SH3BP5: variants seen among roughly 807,000 people sequenced by gnomAD.
The protein encoded by SH3BP5 is SH3 domain-binding protein 5.
SH3BP5 carries 22 observed loss-of-function variants against 43.3 expected under a neutral mutation model. That is an observed-to-expected ratio of 0.51 (90% confidence interval 0.36 to 0.73). SH3BP5 has a LOEUF of 0.73. Ranked by LOEUF, SH3BP5 falls within the 30% of genes least tolerant of loss-of-function variation. SH3BP5 has a pLI of 0.00. For synonymous variants in SH3BP5, 255 were observed against 225.8 expected (o/e 1.13, Z -1.16); for missense variants, 529 against 586.9 (o/e 0.90, Z 1.02).
intron 5 of SH3BP5, chr3:15,260,043 G>C: frequency 1.8e-6 from 1 of 557,804 alleles, no homozygotes; most frequent in South Asian, 2.0e-5. Flanking sequence ...CTCAAGACAC[G>C]GGGAACCCAC....
Position 15,332,414 on chromosome 3 carries a change from C to T in SH3BP5, c.-6G>A. ...CGCTTCAGTGCCGCGTCCATGCAGG[C>T]AGCCGGCACGCGCGCCGCGCAGTGG... On this transcript the variant is annotated 5_prime_UTR_variant, in exon 1 of 9. Coordinates refer to ENST00000383791, the MANE Select transcript of SH3BP5 (RefSeq NM_004844.5). The T allele has an allele frequency of 1.3e-6, 2 of 1,531,574 alleles. No individual in the cohort carries two copies. The highest frequency in any genetic ancestry group is 1.7e-6 in the Non-Finnish European group (2 of 1,144,504). The allele number at this position is 1,531,574 out of a possible 1,614,324, so 94.9% of individuals were successfully genotyped here.
intron 2 of SH3BP5, 94 bp from the exon 3 acceptor site, chr3:15,304,325 T>C (rs1313406182): frequency 5.7e-6 from 9 of 1,592,100 alleles, no homozygotes; most frequent in Non-Finnish European, 7.7e-6. Context: ...AACAAAGGAC[T>C]TTACCCAACG....
At chr3:15,268,388 CACCAAG>C (rs1327453219) in intron 4 of SH3BP5, among the ~76,000 whole-genome samples, 1 of 152,218 alleles carries the variant, frequency 6.6e-6, no homozygotes, top group Non-Finnish European at 1.5e-5. Flanking sequence ...CTCAAGGAGT[CACCAAG>C]ACCTCTTGCA....
At chr3:15,266,315 T>C (rs1480199092) in intron 4 of SH3BP5, among the ~76,000 whole-genome samples, 2 of 152,240 alleles carry the variant, frequency 1.3e-5, no homozygotes, top group East Asian at 1.9e-4. Context: ...GCTCCTCACC[T>C]GCCATCCCAG....
chr3:15,265,511 GTCACAC>G (rs1422190461), intron 4 of SH3BP5, among the ~76,000 whole-genome samples: 6 of 31,050 alleles, frequency 1.9e-4, no homozygotes, highest in African/African-American at 4.0e-4. Context: ...GCGAGACTCC[GTCACAC>G]ACACACACAC....
intron 4 of SH3BP5, 37 bp downstream of exon 4, chr3:15,269,676 C>A: frequency 6.7e-7 from 1 of 1,497,576 alleles, no homozygotes. Flanking sequence ...CGCATGCACG[C>A]GCACACCCCC....
chr3:15,292,542 T>C (rs751238682), intron 3 of SH3BP5, among the ~76,000 whole-genome samples: 101 of 152,152 alleles, frequency 6.6e-4, no homozygotes, highest in Non-Finnish European at 1.3e-3. Context: ...AAATGGTTCA[T>C]GGCATCACCA....
intron 2 of SH3BP5, among the ~76,000 whole-genome samples, chr3:15,307,385 G>C (rs1286373007): frequency 6.6e-6 from 1 of 152,182 alleles, no homozygotes; most frequent in Non-Finnish European, 1.5e-5. Context: ...GAGGGAAGCA[G>C]CATGCTGTCA....
At chr3:15,271,860 T>C (rs910910165) in intron 3 of SH3BP5, among the ~76,000 whole-genome samples, 4 of 152,112 alleles carry the variant, frequency 2.6e-5, no homozygotes, top group African/African-American at 9.7e-5. Context: ...AAATCAGCAC[T>C]GAAACATCAC....
chr3:15,335,212 T>A (rs1019365760), upstream of SH3BP5, among the ~76,000 whole-genome samples: 4 of 151,894 alleles, frequency 2.6e-5, no homozygotes, highest in Non-Finnish European at 4.4e-5. Flanking sequence ...CAGGACAACA[T>A]GGTAAAAATA....
At chr3:15,259,686 C>G in intron 6 of SH3BP5, 75 bp downstream of exon 6, 1 of 1,387,822 alleles carries the variant, frequency 7.2e-7, no homozygotes, top group South Asian at 1.2e-5. Context: ...CCATGTGATA[C>G]TCTGCTACCC....
intron 3 of SH3BP5, among the ~76,000 whole-genome samples, chr3:15,280,574 T>C (rs1441476219): frequency 2.0e-5 from 3 of 152,084 alleles, no homozygotes; most frequent in Non-Finnish European, 4.4e-5. Flanking sequence ...GGGTATTCTA[T>C]CAGCCCCAAT....
upstream of SH3BP5, among the ~76,000 whole-genome samples, chr3:15,336,567 G>A (rs1698702988): frequency 6.6e-6 from 1 of 152,176 alleles, no homozygotes; most frequent in African/African-American, 2.4e-5. Context: ...ATGAGGGGAT[G>A]TGGGGCAGAG....
chr3:15,319,801 C>T (rs571666498), intron 2 of SH3BP5, among the ~76,000 whole-genome samples: 20 of 152,250 alleles, frequency 1.3e-4, no homozygotes, highest in East Asian at 5.8e-4. Flanking sequence ...CCATCTCTGA[C>T]GTCCAACCAA....
chr3:15,320,228 T>C (rs563362221), intron 2 of SH3BP5, among the ~76,000 whole-genome samples: 1 of 151,894 alleles, frequency 6.6e-6, no homozygotes, highest in East Asian at 1.9e-4. Context: ...GCAGTTATAA[T>C]AAACAGCGGA....
intron 3 of SH3BP5, among the ~76,000 whole-genome samples, chr3:15,280,402 C>A (rs1330425949): frequency 1.3e-5 from 2 of 152,166 alleles, no homozygotes; most frequent in Admixed American, 6.5e-5. Context: ...CACAACAGCA[C>A]CCCAGGGTAC....
chr3:15,337,506 C>T (rs1293171224), upstream of SH3BP5, among the ~76,000 whole-genome samples: 1 of 152,098 alleles, frequency 6.6e-6, no homozygotes, highest in Non-Finnish European at 1.5e-5. Context: ...TAATTCAGTA[C>T]ACTTTTCAGC....
At chr3:15,293,722 G>C (rs1417929686) in intron 3 of SH3BP5, among the ~76,000 whole-genome samples, 1 of 152,188 alleles carries the variant, frequency 6.6e-6, no homozygotes, top group East Asian at 1.9e-4. Flanking sequence ...GTCCTCGCAA[G>C]GTCTGTGATG....
At chr3:15,282,195 T>A (rs6764456) in intron 3 of SH3BP5, among the ~76,000 whole-genome samples, 28,127 of 152,098 alleles carry the variant, frequency 0.18, 2,829 homozygotes, top group East Asian at 0.27. Context: ...ACTTTTCAGA[T>A]TGGAATGCCA....
Sources: allele counts gnomAD v4.1 joint callset (sites outside exome capture counted in the v4.1 genomes callset), GRCh38; gene constraint gnomAD v4.1.1; transcripts MANE v1.5; gene names NCBI Gene and HGNC (gene_info 2026-07-23, HGNC 2026-07-21).